UBE2E2: variants seen among roughly 807,000 people sequenced by gnomAD.
The protein encoded by UBE2E2 is ubiquitin conjugating enzyme E2 E2.
In UBE2E2, 6 loss-of-function variants were observed where a neutral mutation model predicts 24.7. The observed-to-expected ratio is 0.24, with a 90% CI of 0.13 to 0.48. The LOEUF is 0.48. Ranked by LOEUF, UBE2E2 falls within the 20% of genes least tolerant of loss-of-function variation. The pLI is 0.99. For missense variants in UBE2E2, 169 were observed against 245.0 expected, an observed-to-expected ratio of 0.69 and a Z score of 2.07; for synonymous variants, 104 against 83.6, an observed-to-expected ratio of 1.24 and a Z score of -1.33.
chr3:23,285,949 G>A (rs1461857309), intron 3 of UBE2E2, among the ~76,000 whole-genome samples: 9 of 152,064 alleles, frequency 5.9e-5, no homozygotes, highest in African/African-American at 2.4e-5. Flanking sequence ...TGCCCACCTC[G>A]GCCTCCCAAA....
rs952989044 is a variant in UBE2E2 at position 23,223,023 on chromosome 3, C to CT, written c.227+5711_227+5712insT. Among the ~76,000 whole-genome samples the CT allele has an allele frequency of 2.9e-4, 31 of 106,436 alleles. 1 individual carries two copies. Among genetic ancestry groups the CT allele is most frequent in the African/African-American group, 9.6e-4 (29 of 30,120 alleles). 69.8% of individuals were successfully genotyped at this position (106,436 alleles called of 152,430 possible). ...TCTGTTTACATCTTTTGCCCCCCCC[C>CT]CCTTTTTTTTTTTTTTTGAGTTGTC... On this transcript the variant is annotated intron_variant, in intron 3 of 5. Coordinates refer to ENST00000396703, the MANE Select transcript of UBE2E2 (RefSeq NM_152653.4).
At chr3:23,300,307 T>G (rs527640293) in intron 3 of UBE2E2, among the ~76,000 whole-genome samples, 2,017 of 152,310 alleles carry the variant, frequency 0.013, 41 homozygotes, top group African/African-American at 0.044. Context: ...TTGTTATGTG[T>G]GAATTTGATC....
At chr3:23,326,908 G>A (rs576867213) in intron 3 of UBE2E2, among the ~76,000 whole-genome samples, 1 of 152,176 alleles carries the variant, frequency 6.6e-6, no homozygotes, top group South Asian at 2.1e-4. Context: ...CTACCTATGA[G>A]TGAGAACATG....
At chr3:23,284,112 T>C (rs535377160) in intron 3 of UBE2E2, among the ~76,000 whole-genome samples, 2 of 152,272 alleles carry the variant, frequency 1.3e-5, no homozygotes, top group South Asian at 4.1e-4. Context: ...TCCAATCTCC[T>C]TTAGGGATTT....
At chr3:23,341,338 T>C (rs930118727) in intron 3 of UBE2E2, among the ~76,000 whole-genome samples, 1 of 150,976 alleles carries the variant, frequency 6.6e-6, no homozygotes, top group Non-Finnish European at 1.5e-5. Context: ...GTACTCATCT[T>C]ATCCACATTG....
intron 3 of UBE2E2, among the ~76,000 whole-genome samples, chr3:23,375,196 C>T (rs139355876): frequency 1.3e-3 from 198 of 152,234 alleles, no homozygotes; most frequent in Non-Finnish European, 2.2e-3. Context: ...AAACTTTGCT[C>T]TTTGTGTACT....
At chr3:23,260,483 CAT>C (rs1697865640) in intron 3 of UBE2E2, among the ~76,000 whole-genome samples, 2 of 152,126 alleles carry the variant, frequency 1.3e-5, no homozygotes, top group South Asian at 2.1e-4. Context: ...GACAGTATCT[CAT>C]GTGATATTGT....
intron 3 of UBE2E2, among the ~76,000 whole-genome samples, chr3:23,376,936 A>G (rs1559366200): frequency 6.6e-6 from 1 of 152,116 alleles, no homozygotes; most frequent in Non-Finnish European, 1.5e-5. Context: ...GATGAGGGAG[A>G]AAACACTCCA....
At chr3:23,478,795 C>A (rs1020410687) in intron 3 of UBE2E2, among the ~76,000 whole-genome samples, 4 of 152,008 alleles carry the variant, frequency 2.6e-5, no homozygotes, top group Admixed American at 2.0e-4. Flanking sequence ...AATCCCAACA[C>A]TTTGAGTGGC....
chr3:23,246,285 A>G (rs570305279), intron 3 of UBE2E2, among the ~76,000 whole-genome samples: 5 of 141,268 alleles, frequency 3.5e-5, no homozygotes, highest in East Asian at 2.1e-4. Context: ...CAGTGGCGCA[A>G]TCTCGGCTCA....
rs375675048 is a variant in UBE2E2 at position 23,347,357 on chromosome 3, G to A, written c.227+130045G>A. Among the ~76,000 whole-genome samples the A allele has an allele frequency of 5.3e-5, 8 of 152,146 alleles. No individual in the cohort carries two copies. The East Asian group carries it at 9.6e-4, about 18-fold the overall frequency. On this transcript the variant is annotated intron_variant, in intron 3 of 5. Coordinates refer to ENST00000396703, the MANE Select transcript of UBE2E2 (RefSeq NM_152653.4). ...AGAAAATGTGGCACATATACACCAC[G>A]GAATACTATGCAGCCATAAAAAAGG...
chr3:23,361,436 C>T (rs1165916001), intron 3 of UBE2E2, among the ~76,000 whole-genome samples: 4 of 152,112 alleles, frequency 2.6e-5, no homozygotes, highest in East Asian at 3.8e-4. Flanking sequence ...GCTAAGTGCC[C>T]GTTGACCAAT....
chr3:23,355,146 T>A (rs926185510), intron 3 of UBE2E2, among the ~76,000 whole-genome samples: 1 of 149,116 alleles, frequency 6.7e-6, no homozygotes, highest in African/African-American at 2.5e-5. Flanking sequence ...AACAAACACC[T>A]CATGTTCTCA....
intron 3 of UBE2E2, among the ~76,000 whole-genome samples, chr3:23,403,413 A>G (rs1697278030): frequency 6.6e-6 from 1 of 152,200 alleles, no homozygotes. Flanking sequence ...TCTATTGGAA[A>G]GTTCTTTGTT....
At chr3:23,252,903 T>TCTAA (rs1458157792) in intron 3 of UBE2E2, among the ~76,000 whole-genome samples, 1 of 152,228 alleles carries the variant, frequency 6.6e-6, no homozygotes, top group African/African-American at 2.4e-5. Context: ...TACTTTCATA[T>TCTAA]CTAAATTGAT....
intron 4 of UBE2E2, among the ~76,000 whole-genome samples, chr3:23,512,748 C>T (rs1694633179): frequency 6.6e-6 from 1 of 152,092 alleles, no homozygotes; most frequent in African/African-American, 2.4e-5. Context: ...AGTTCAAGAC[C>T]AGCCTGCCTA....
At position 23,372,176 on chromosome 3, in the gene UBE2E2, T is replaced by C. The variant is rs139290090; in HGVS notation, c.228-127432T>C. 2.5e-3 allele frequency among the ~76,000 whole-genome samples: 385 copies of C among 152,254 alleles called. 3 individuals carry two copies. Among genetic ancestry groups the C allele is most frequent in the African/African-American group, 8.9e-3 (369 of 41,552 alleles). ...ATAAAATATAAATAAAACTTAATGT[T>C]TATACATTTTGCTGTATGTAAATTA... On this transcript the variant is annotated intron_variant, in intron 3 of 5. Coordinates refer to ENST00000396703, the MANE Select transcript of UBE2E2 (RefSeq NM_152653.4).
chr3:23,242,549 T>A (rs1220503497), intron 3 of UBE2E2, among the ~76,000 whole-genome samples: 1 of 152,098 alleles, frequency 6.6e-6, no homozygotes. Context: ...GCTTTCACCA[T>A]TTTACCAGAA....
Position 23,486,498 on chromosome 3 carries a change from T to C in UBE2E2, c.228-13110T>C, listed in dbSNP as rs148717136. ...AGGAAAGCATGTTTTCTCGGGGTCA[T>C]GTTTCAGCTAGTTTGTGCTGCAGCT... On this transcript the variant is annotated intron_variant, in intron 3 of 5. Transcript: ENST00000396703. Among the ~76,000 whole-genome samples, 47 of 152,280 alleles carry C rather than the reference T, an allele frequency of 3.1e-4. No individual in the cohort carries two copies. In the East Asian group the frequency reaches 7.5e-3, roughly 24 times the overall value.
Sources: allele counts gnomAD v4.1 joint callset (sites outside exome capture counted in the v4.1 genomes callset), GRCh38; gene constraint gnomAD v4.1.1; transcripts MANE v1.5; gene names NCBI Gene and HGNC (gene_info 2026-07-23, HGNC 2026-07-21).